Variants in NDUFS4 observed in about 807,000 individuals in gnomAD.
NDUFS4 encodes the protein NADH:ubiquinone oxidoreductase subunit S4, also known as NADH dehydrogenase [ubiquinone] iron-sulfur protein 4, mitochondrial.
Under a neutral mutation model 24.3 loss-of-function variants are expected in NDUFS4, and 28 were observed. The ratio of observed to expected loss-of-function variants is 1.15; its 90% CI spans 0.85 to 1.58. The LOEUF (loss-of-function observed/expected upper bound fraction) is 1.58, where lower values mean the gene tolerates loss of function less well. NDUFS4 is among the 40% of genes most tolerant of loss of function. The probability of loss-of-function intolerance (pLI) is 0.00; values close to 1 mark genes in which losing one functional copy is unlikely to be tolerated. For missense variants in NDUFS4, 223 were observed against 207.9 expected (o/e 1.07, Z -0.45); for synonymous variants, 93 against 69.7 (o/e 1.34, Z -1.67).
intron 2 of NDUFS4, among the ~76,000 whole-genome samples, chr5:53,610,235 G>T (rs965947424): frequency 6.6e-6 from 1 of 152,082 alleles, no homozygotes; most frequent in African/African-American, 2.4e-5. Context: ...CAATATTGTT[G>T]TCTCAGTGAA....
intron 2 of NDUFS4, among the ~76,000 whole-genome samples, chr5:53,628,710 G>C (rs1262715881): frequency 6.6e-6 from 1 of 152,124 alleles, no homozygotes; most frequent in African/African-American, 2.4e-5. Context: ...ATTTCTGTTT[G>C]ATCAGTGGTG....
In NDUFS4 at chr5:53,591,890, T is replaced by C. The variant is rs375290658; in HGVS notation, c.99-11562T>C. On this transcript the variant is annotated intron_variant, in intron 1 of 4. Coordinates refer to ENST00000296684, the MANE Select transcript of NDUFS4 (RefSeq NM_002495.4). ...TTTGGTGAGGTGTCTGTTTAGATCT[T>C]TTGCCCACTTTTCAGTTGGGTTGTT... Among the ~76,000 whole-genome samples the C allele has an allele frequency of 1.4e-4, 22 of 152,266 alleles. No homozygotes were observed. The East Asian group carries it at 4.2e-3, about 29-fold the overall frequency.
At chr5:53,576,663 C>T (rs895789814) in intron 1 of NDUFS4, among the ~76,000 whole-genome samples, 3 of 152,132 alleles carry the variant, frequency 2.0e-5, no homozygotes, top group African/African-American at 7.2e-5. Flanking sequence ...TCTTCTTATA[C>T]TGCTGTATCG....
At chr5:53,623,564 G>A (rs529691734) in intron 2 of NDUFS4, among the ~76,000 whole-genome samples, 25 of 152,158 alleles carry the variant, frequency 1.6e-4, no homozygotes, top group Admixed American at 1.6e-3. Context: ...TTTTGATGAC[G>A]TCTGATTTAT....
intron 1 of NDUFS4, among the ~76,000 whole-genome samples, chr5:53,587,689 C>T (rs1023118267): frequency 6.6e-6 from 1 of 151,876 alleles, no homozygotes; most frequent in African/African-American, 2.4e-5. Flanking sequence ...TGATACTCCA[C>T]ACCTCAACCT....
At chr5:53,624,616 A>G (rs1561370260) in intron 2 of NDUFS4, among the ~76,000 whole-genome samples, 1 of 151,980 alleles carries the variant, frequency 6.6e-6, no homozygotes, top group African/African-American at 2.4e-5. Flanking sequence ...TGTTTTTGTA[A>G]TTTACTTTTT....
chr5:53,667,114 T>A (rs1469117333), intron 4 of NDUFS4, among the ~76,000 whole-genome samples: 1 of 152,150 alleles, frequency 6.6e-6, no homozygotes, highest in East Asian at 1.9e-4. Context: ...ATAAATCCTG[T>A]TTCTTCAGCT....
intron 2 of NDUFS4, among the ~76,000 whole-genome samples, chr5:53,630,035 T>G (rs189167198): frequency 7.2e-5 from 11 of 152,322 alleles, no homozygotes; most frequent in South Asian, 2.1e-4. Flanking sequence ...CTTTCCATGT[T>G]TAGTGCTTCC....
chr5:53,603,565 G>C (rs747994192), intron 2 of NDUFS4, 35 bp downstream of exon 2: 1 of 1,524,204 alleles, frequency 6.6e-7, no homozygotes, highest in South Asian at 1.1e-5. Context: ...CTATGGTTCT[G>C]CCTTCAGGGT....
chr5:53,578,007 C>T (rs1749441103), intron 1 of NDUFS4, among the ~76,000 whole-genome samples: 1 of 152,188 alleles, frequency 6.6e-6, no homozygotes, highest in Admixed American at 6.6e-5. Flanking sequence ...TTTTCTTCAA[C>T]AGCTGCCTTT....
Position 53,591,918 on chromosome 5 carries a change from T to G in NDUFS4, c.99-11534T>G, listed in dbSNP as rs1158060357. Reference sequence around the variant, plus strand: ...GCCCACTTTTCAGTTGGGTTGTTTGTTTTCTTATTGATGAGTTTTGTTGTT... The same window carrying G: ...GCCCACTTTTCAGTTGGGTTGTTTGGTTTCTTATTGATGAGTTTTGTTGTT... On this transcript the variant is annotated intron_variant, in intron 1 of 4. Transcript: ENST00000296684. Among the ~76,000 whole-genome samples, 5 of 152,060 alleles carry G rather than the reference T, an allele frequency of 3.3e-5. No individual in the cohort carries two copies. The East Asian group carries it at 9.6e-4, about 29-fold the overall frequency.
chr5:53,646,595 A>G (rs1751873199), intron 3 of NDUFS4, among the ~76,000 whole-genome samples, 190 bp downstream of exon 3: 1 of 152,206 alleles, frequency 6.6e-6, no homozygotes, highest in African/African-American at 2.4e-5. Flanking sequence ...GGCTTAGCAC[A>G]GTAAACTATG....
chr5:53,681,422 C>T (rs1399998764), intron 4 of NDUFS4, among the ~76,000 whole-genome samples: 1 of 152,128 alleles, frequency 6.6e-6, no homozygotes, highest in Non-Finnish European at 1.5e-5. Flanking sequence ...TGAATTATCA[C>T]ATCCTTATGA....
chr5:53,657,448 G>A (rs2112520411), intron 3 of NDUFS4, among the ~76,000 whole-genome samples: 1 of 152,106 alleles, frequency 6.6e-6, no homozygotes, highest in East Asian at 1.9e-4. Flanking sequence ...TCAGTGAGAG[G>A]TACTCCCCAT....
chr5:53,609,116 T>A (rs1479480350), intron 2 of NDUFS4, among the ~76,000 whole-genome samples: 1 of 152,226 alleles, frequency 6.6e-6, no homozygotes, highest in Non-Finnish European at 1.5e-5. Context: ...TTTCATCTCC[T>A]ATGAGTCACA....
At chr5:53,606,254 C>A (rs769392004) in intron 2 of NDUFS4, among the ~76,000 whole-genome samples, 2 of 152,144 alleles carry the variant, frequency 1.3e-5, no homozygotes, top group South Asian at 4.1e-4. Context: ...GGCTCATGGT[C>A]CTGCAGGCTG....
chr5:53,669,707 C>T (rs764933264), intron 4 of NDUFS4, among the ~76,000 whole-genome samples: 7 of 152,148 alleles, frequency 4.6e-5, no homozygotes, highest in Non-Finnish European at 7.4e-5. Flanking sequence ...AGGCATAGTT[C>T]TTACACTCAA....
At chr5:53,616,702 A>G (rs534872108) in intron 2 of NDUFS4, among the ~76,000 whole-genome samples, 1 of 152,266 alleles carries the variant, frequency 6.6e-6, no homozygotes, top group East Asian at 1.9e-4. Flanking sequence ...GCCCATAGTA[A>G]GAAATTTGAA....
intron 2 of NDUFS4, among the ~76,000 whole-genome samples, chr5:53,615,264 A>G (rs537699278): frequency 5.3e-5 from 8 of 152,158 alleles, no homozygotes; most frequent in Admixed American, 2.0e-4. Flanking sequence ...TTAAAGCCTT[A>G]TATCTGCCAT....
Sources: allele counts gnomAD v4.1 joint callset (sites outside exome capture counted in the v4.1 genomes callset), GRCh38; gene constraint gnomAD v4.1.1; transcripts MANE v1.5; gene names NCBI Gene and HGNC (gene_info 2026-07-23, HGNC 2026-07-21).